DPYD: variants seen among roughly 807,000 people sequenced by gnomAD.
The protein encoded by DPYD is dihydropyrimidine dehydrogenase [NADP(+)].
A neutral mutation model predicts 116.2 loss-of-function variants in DPYD; 109 were observed. The observed-to-expected ratio is 0.94, with a 90% CI of 0.80 to 1.10. The LOEUF is 1.10. DPYD is among the 50% of genes least tolerant of loss of function. The pLI, the probability that DPYD is intolerant of heterozygous loss-of-function variation, is 0.00. For missense variants in DPYD, 1,302 were observed against 1,254.5 expected (o/e 1.04, Z -0.57); for synonymous variants, 440 against 432.0 (o/e 1.02, Z -0.23).
At chr1:97,147,960 T>G (rs1050281284) in intron 20 of DPYD, among the ~76,000 whole-genome samples, 1 of 152,146 alleles carries the variant, frequency 6.6e-6, no homozygotes. Context: ...GATAGATACA[T>G]GACTACTTTA....
At chr1:97,557,460 C>T (rs563193977) in intron 11 of DPYD, among the ~76,000 whole-genome samples, 20 of 151,802 alleles carry the variant, frequency 1.3e-4, no homozygotes, top group Admixed American at 5.9e-4. Context: ...GGATTACAGG[C>T]GCTTGTCACC....
intron 19 of DPYD, among the ~76,000 whole-genome samples, chr1:97,217,210 AAAAC>A (rs1232479860): frequency 2.6e-5 from 4 of 152,330 alleles, no homozygotes; most frequent in African/African-American, 4.8e-5. Context: ...TCTGTCTCAA[AAAAC>A]AAACAAACAA....
chr1:97,379,622 G>A (rs568748964), intron 15 of DPYD, among the ~76,000 whole-genome samples: 15 of 152,314 alleles, frequency 9.8e-5, no homozygotes, highest in Middle Eastern at 3.4e-3. Flanking sequence ...CCAGTGCCCA[G>A]GCCCCATCAG....
At chr1:97,138,303 TCC>T (rs1207019476) in intron 20 of DPYD, among the ~76,000 whole-genome samples, 2 of 152,102 alleles carry the variant, frequency 1.3e-5, no homozygotes, top group Admixed American at 1.3e-4. Flanking sequence ...CCAGCATGAC[TCC>T]ACAGATTTAT....
chr1:97,561,251 C>T (rs1029778716), intron 11 of DPYD, among the ~76,000 whole-genome samples: 3 of 152,186 alleles, frequency 2.0e-5, no homozygotes, highest in East Asian at 1.9e-4. Context: ...AAGCATCCAG[C>T]GTCTGACCAT....
chr1:97,743,856 T>C (rs1036517823), intron 3 of DPYD, among the ~76,000 whole-genome samples: 4 of 152,130 alleles, frequency 2.6e-5, no homozygotes, highest in Non-Finnish European at 1.5e-5. Flanking sequence ...TACTCTGTTA[T>C]AGTGCAGTTT....
At chr1:97,644,648 CAG>C (rs1658149465) in intron 8 of DPYD, among the ~76,000 whole-genome samples, 1 of 148,044 alleles carries the variant, frequency 6.8e-6, no homozygotes, top group Non-Finnish European at 1.5e-5. Flanking sequence ...TTAGTAGAAA[CAG>C]GGTATCACCA....
In DPYD at chr1:97,392,837, T is replaced by C. The variant is rs1283404405; in HGVS notation, c.1906-10376A>G. ...GTTCTCTTGCTATTTCTCTAATCTGTAGTGACTTCCTCCACTGAAGTCTTG... is the reference window on the plus strand; with the variant it reads ...GTTCTCTTGCTATTTCTCTAATCTGCAGTGACTTCCTCCACTGAAGTCTTG... On this transcript the variant is annotated intron_variant, in intron 14 of 22. Coordinates refer to ENST00000370192, the MANE Select transcript of DPYD (RefSeq NM_000110.4). Among the ~76,000 whole-genome samples the C allele has an allele frequency of 2.6e-5, 4 of 152,158 alleles. No individual in the cohort carries two copies. In the East Asian group the frequency reaches 5.8e-4, roughly 22 times the overall value.
At chr1:97,886,413 G>C (rs75021054) in intron 1 of DPYD, among the ~76,000 whole-genome samples, 3,788 of 152,110 alleles carry the variant, frequency 0.025, 154 homozygotes, top group African/African-American at 0.087. Context: ...CCCACTCATA[G>C]AGCCAAGGTT....
At chr1:97,592,802 G>T (rs1008835232) in intron 10 of DPYD, among the ~76,000 whole-genome samples, 1 of 152,068 alleles carries the variant, frequency 6.6e-6, no homozygotes, top group African/African-American at 2.4e-5. Context: ...TATGACCAAG[G>T]TATACATCTT....
intron 8 of DPYD, among the ~76,000 whole-genome samples, chr1:97,641,420 CTTCTACTCCTGATAT>C (rs1310854356): frequency 3.9e-5 from 6 of 152,136 alleles, no homozygotes; most frequent in African/African-American, 1.4e-4. Flanking sequence ...AAAGATTTTA[CTTCTACTCCTGATAT>C]TTTCCAGTTC....
intron 20 of DPYD, among the ~76,000 whole-genome samples, chr1:97,152,434 TCACATACA>T (rs1553223898): frequency 2.8e-5 from 3 of 106,512 alleles, no homozygotes; most frequent in Non-Finnish European, 6.0e-5. Context: ...GATGGCTGAA[TCACATACA>T]CACACACACA....
At chr1:97,556,467 C>G (rs1651724979) in intron 11 of DPYD, among the ~76,000 whole-genome samples, 1 of 145,962 alleles carries the variant, frequency 6.9e-6, no homozygotes, top group Admixed American at 6.8e-5. Context: ...AACTCGTCAT[C>G]TAGCATTAGG....
At chr1:97,387,003 C>A (rs146355331) in intron 14 of DPYD, among the ~76,000 whole-genome samples, 1 of 151,740 alleles carries the variant, frequency 6.6e-6, no homozygotes, top group Non-Finnish European at 1.5e-5. Flanking sequence ...TATTTTATAT[C>A]GTGAAACATC....
chr1:97,297,043 G>A (rs779806288), intron 18 of DPYD, among the ~76,000 whole-genome samples: 4 of 152,176 alleles, frequency 2.6e-5, no homozygotes, highest in Non-Finnish European at 5.9e-5. Flanking sequence ...CAACTAAAAT[G>A]AGTGAGGAGT....
intron 10 of DPYD, among the ~76,000 whole-genome samples, chr1:97,580,081 A>G (rs1017087500): frequency 6.6e-6 from 1 of 152,226 alleles, no homozygotes; most frequent in Admixed American, 6.5e-5. Flanking sequence ...AATTTTCTAT[A>G]ATTAAAAGCA....
intron 3 of DPYD, among the ~76,000 whole-genome samples, chr1:97,756,961 G>A (rs1402082725): frequency 1.3e-5 from 2 of 152,112 alleles, no homozygotes; most frequent in Admixed American, 6.6e-5. Flanking sequence ...TCTCCGTTGA[G>A]AAGCTTTCCT....
At chr1:97,356,869 C>T (rs1670452293) in intron 16 of DPYD, among the ~76,000 whole-genome samples, 1 of 152,170 alleles carries the variant, frequency 6.6e-6, no homozygotes. Flanking sequence ...TTCTGCTCCA[C>T]TGGTCAATTA....
chr1:97,437,877 G>C (rs1675554723), intron 14 of DPYD, among the ~76,000 whole-genome samples: 1 of 151,948 alleles, frequency 6.6e-6, no homozygotes, highest in Non-Finnish European at 1.5e-5. Flanking sequence ...TTAGGTCTAT[G>C]AGTATTTTAA....
Sources: allele counts gnomAD v4.1 joint callset (sites outside exome capture counted in the v4.1 genomes callset), GRCh38; gene constraint gnomAD v4.1.1; transcripts MANE v1.5; gene names NCBI Gene and HGNC (gene_info 2026-07-23, HGNC 2026-07-21).